Variants in GRID1 observed in about 807,000 individuals in gnomAD.
GRID1 encodes the protein glutamate receptor ionotropic, delta-1.
GRID1 carries 28 observed loss-of-function variants against 98.0 expected under a neutral mutation model. The observed-to-expected ratio is 0.29, with a 90% CI of 0.21 to 0.39. The LOEUF (loss-of-function observed/expected upper bound fraction) is 0.39. Among genes scored for constraint, GRID1 ranks in the 10% least tolerant of loss-of-function variants. GRID1 has a pLI of 1.00. For synonymous variants in GRID1, 553 were observed against 538.5 expected, an observed-to-expected ratio of 1.03 and a Z score of -0.37; for missense variants, 1,111 against 1,340.5, an observed-to-expected ratio of 0.83 and a Z score of 2.67.
intron 12 of GRID1, among the ~76,000 whole-genome samples, chr10:85,687,667 T>G (rs947122366): frequency 3.9e-5 from 6 of 151,946 alleles, no homozygotes; most frequent in Admixed American, 3.3e-4. Flanking sequence ...ACAATAATTA[T>G]ATTACAAAAT....
intron 5 of GRID1, among the ~76,000 whole-genome samples, chr10:85,900,245 G>A (rs1480806306): frequency 6.6e-6 from 1 of 152,188 alleles, no homozygotes; most frequent in East Asian, 1.9e-4. Context: ...GTGTGTACAT[G>A]TGCGTGCAGG....
intron 8 of GRID1, among the ~76,000 whole-genome samples, chr10:85,756,219 T>C (rs1842096955): frequency 6.6e-6 from 1 of 152,204 alleles, no homozygotes; most frequent in African/African-American, 2.4e-5. Context: ...GGCCGTAAAT[T>C]TGCAGTTTGA....
chr10:86,273,511 T>C (rs1352650681), intron 2 of GRID1, among the ~76,000 whole-genome samples: 2 of 151,092 alleles, frequency 1.3e-5, no homozygotes, highest in South Asian at 2.1e-4. Flanking sequence ...ATGGTTGAAC[T>C]AGTTTACAGT....
At chr10:85,966,585 G>A (rs1402541882) in intron 4 of GRID1, among the ~76,000 whole-genome samples, 1 of 152,098 alleles carries the variant, frequency 6.6e-6, no homozygotes, top group Non-Finnish European at 1.5e-5. Flanking sequence ...AGGCTGAGGT[G>A]GGTGGATCAC....
chr10:85,864,739 G>A (rs944525046), intron 6 of GRID1, among the ~76,000 whole-genome samples: 2 of 152,136 alleles, frequency 1.3e-5, no homozygotes, highest in Non-Finnish European at 2.9e-5. Context: ...TCCTCTAATA[G>A]AGTGTGTGCA....
chr10:86,236,202 A>G (rs1846534344), intron 2 of GRID1, among the ~76,000 whole-genome samples: 1 of 152,198 alleles, frequency 6.6e-6, no homozygotes, highest in African/African-American at 2.4e-5. Context: ...TTGGTGAAGT[A>G]TCTATACAAA....
chr10:85,777,494 G>T (rs1015313281), intron 8 of GRID1, among the ~76,000 whole-genome samples: 7 of 152,236 alleles, frequency 4.6e-5, no homozygotes, highest in Non-Finnish European at 1.0e-4. Context: ...TGGGCACTGG[G>T]ATTTTTAAGA....
At chr10:85,773,958 G>T (rs1403642866) in intron 8 of GRID1, among the ~76,000 whole-genome samples, 2 of 152,184 alleles carry the variant, frequency 1.3e-5, no homozygotes, top group African/African-American at 4.8e-5. Context: ...TTTCTTCACA[G>T]ATTTGGAAAA....
At chr10:86,275,271 TA>T (rs1031435658) in intron 2 of GRID1, among the ~76,000 whole-genome samples, 2 of 150,612 alleles carry the variant, frequency 1.3e-5, no homozygotes, top group African/African-American at 2.4e-5. Flanking sequence ...CTTCAACAAC[TA>T]AAAAAAAACA....
At chr10:85,958,608 C>A (rs1030661728) in intron 4 of GRID1, among the ~76,000 whole-genome samples, 3 of 152,126 alleles carry the variant, frequency 2.0e-5, no homozygotes, top group African/African-American at 7.2e-5. Flanking sequence ...AGGTAGATCA[C>A]CCCCACTAAT....
intron 4 of GRID1, among the ~76,000 whole-genome samples, chr10:86,045,675 G>A (rs1356908092): frequency 6.6e-6 from 1 of 152,128 alleles, no homozygotes; most frequent in Non-Finnish European, 1.5e-5. Context: ...GGAAGGCGAG[G>A]CACCGAGTGG....
At chr10:86,233,148 C>T (rs545380976) in intron 2 of GRID1, among the ~76,000 whole-genome samples, 3 of 151,782 alleles carry the variant, frequency 2.0e-5, no homozygotes, top group Admixed American at 2.0e-4. Context: ...CCGGCTGGAG[C>T]GTTTTAGGGA....
chr10:85,663,378 A>G (rs868073884), intron 12 of GRID1, among the ~76,000 whole-genome samples: 3 of 152,192 alleles, frequency 2.0e-5, no homozygotes, highest in African/African-American at 7.2e-5. Context: ...ATTGCCAGCC[A>G]CTGTCAAACG....
intron 8 of GRID1, among the ~76,000 whole-genome samples, chr10:85,828,402 A>G (rs1842838883): frequency 6.6e-6 from 1 of 152,132 alleles, no homozygotes; most frequent in African/African-American, 2.4e-5. Context: ...AAGAGATCAA[A>G]ACAACTCCAA....
intron 2 of GRID1, among the ~76,000 whole-genome samples, chr10:86,314,108 A>G (rs1234187793): frequency 6.6e-6 from 1 of 152,226 alleles, no homozygotes; most frequent in Non-Finnish European, 1.5e-5. Context: ...AGGGCAGATC[A>G]GGTCCAGCTT....
chr10:85,746,173 C>G (rs1841994823), intron 8 of GRID1, among the ~76,000 whole-genome samples: 1 of 152,102 alleles, frequency 6.6e-6, no homozygotes, highest in Non-Finnish European at 1.5e-5. Context: ...GGAGATGTAT[C>G]CAAGAATCTG....
intron 13 of GRID1, among the ~76,000 whole-genome samples, chr10:85,624,923 A>G (rs773566040): frequency 5.9e-5 from 9 of 152,222 alleles, no homozygotes; most frequent in Admixed American, 2.0e-4. Flanking sequence ...GGAAATAACA[A>G]TAAATTATGA....
intron 12 of GRID1, among the ~76,000 whole-genome samples, chr10:85,650,482 C>A (rs1414735043): frequency 6.6e-6 from 1 of 152,116 alleles, no homozygotes; most frequent in Admixed American, 6.5e-5. Flanking sequence ...GTTATTTCAC[C>A]AACAGTTCCT....
chr10:85,800,438 T>C (rs1842565388), intron 8 of GRID1, among the ~76,000 whole-genome samples: 1 of 151,930 alleles, frequency 6.6e-6, no homozygotes, highest in African/African-American at 2.4e-5. Flanking sequence ...AGAGAAAAAT[T>C]TTAAAGTACT....
Sources: allele counts gnomAD v4.1 joint callset (sites outside exome capture counted in the v4.1 genomes callset), GRCh38; gene constraint gnomAD v4.1.1; transcripts MANE v1.5; gene names NCBI Gene and HGNC (gene_info 2026-07-23, HGNC 2026-07-21).